Variants in PIEZO2 observed in about 807,000 individuals in gnomAD.
PIEZO2 encodes the protein piezo-type mechanosensitive ion channel component 2.
PIEZO2 carries 172 observed loss-of-function variants against 337.3 expected under a neutral mutation model. The observed-to-expected ratio is 0.51, with a 90% CI of 0.45 to 0.58. The LOEUF (loss-of-function observed/expected upper bound fraction) is 0.58. PIEZO2 is among the 20% of genes least tolerant of loss of function. PIEZO2 has a pLI of 0.00. For synonymous variants in PIEZO2, 1,251 were observed against 1,228.5 expected, an observed-to-expected ratio of 1.02 and a Z score of -0.38; for missense variants, 3,028 against 3,391.3, an observed-to-expected ratio of 0.89 and a Z score of 2.66.
chr18:10,742,823 T>TGTGG (rs2037279631), intron 31 of PIEZO2, among the ~76,000 whole-genome samples: 1 of 152,040 alleles, frequency 6.6e-6, no homozygotes, highest in Non-Finnish European at 1.5e-5. Flanking sequence ...TGTGTGTGTG[T>TGTGG]GTGTGTATTC....
At chr18:10,889,269 C>A (rs759607889) in intron 4 of PIEZO2, among the ~76,000 whole-genome samples, 1 of 152,142 alleles carries the variant, frequency 6.6e-6, no homozygotes, top group South Asian at 2.1e-4. Context: ...TACCACTGAG[C>A]AAATGTTCAA....
At chr18:10,728,811 T>C (rs150884569) in intron 36 of PIEZO2, among the ~76,000 whole-genome samples, 2,593 of 151,840 alleles carry the variant, frequency 0.017, 82 homozygotes, top group African/African-American at 0.058. Context: ...AAAAATTAGC[T>C]GGGCATGGTG....
At position 10,784,237 on chromosome 18, in the gene PIEZO2, A is replaced by G. The variant is rs566970285; in HGVS notation, c.2492+547T>C. ...AAACAATGTATATTTATTGATGAGG[A>G]TAAAACAGCCGTAAGCTGCTAAAAG... On this transcript the variant is annotated intron_variant, in intron 17 of 55. Coordinates refer to ENST00000674853, the MANE Select transcript of PIEZO2 (RefSeq NM_001378183.1). The surrounding 1 kb of genome is among the most constrained non-coding windows in gnomAD (Gnocchi z 4.5). Among the ~76,000 whole-genome samples, 9 of 152,358 alleles carry G rather than the reference A, an allele frequency of 5.9e-5. No homozygotes were observed. The East Asian group carries it at 1.5e-3, about 26-fold the overall frequency.
At position 10,828,676 on chromosome 18, in the gene PIEZO2, A is replaced by C. The variant is rs2040752691; in HGVS notation, c.918-21402T>G. Among the ~76,000 whole-genome samples the C allele has an allele frequency of 6.6e-6, 1 of 152,172 alleles. No individual in the cohort carries two copies. The highest frequency in any genetic ancestry group is 1.5e-5 in the Non-Finnish European group (1 of 68,034). On this transcript the variant is annotated intron_variant, in intron 7 of 55. Coordinates refer to ENST00000674853, the MANE Select transcript of PIEZO2 (RefSeq NM_001378183.1). The surrounding 1 kb of genome is among the most constrained non-coding windows in gnomAD (Gnocchi z 4.1). ...ATAATAGCACCATGCGGGTGGCAAT[A>C]CTGGTCATATGTTCAGAGGAACTCT...
At chr18:10,737,284 TG>T (rs2037037314) in intron 33 of PIEZO2, among the ~76,000 whole-genome samples, 1 of 67,596 alleles carries the variant, frequency 1.5e-5, no homozygotes, top group Non-Finnish European at 2.6e-5. Context: ...GCAAGACATT[TG>T]AAAAAAAAAA....
intron 3 of PIEZO2, among the ~76,000 whole-genome samples, chr18:10,925,803 C>T (rs192802315): frequency 1.4e-3 from 208 of 152,218 alleles, no homozygotes; most frequent in Non-Finnish European, 2.6e-3. Context: ...CTCCTGACCT[C>T]GTGATCTGCC....
intron 2 of PIEZO2, among the ~76,000 whole-genome samples, chr18:10,990,463 A>G (rs2035046010): frequency 6.6e-6 from 1 of 152,132 alleles, no homozygotes; most frequent in African/African-American, 2.4e-5. Context: ...AGGAGTAGAT[A>G]CATACTGAAC....
chr18:10,901,655 C>T (rs1335334249), intron 4 of PIEZO2, among the ~76,000 whole-genome samples: 1 of 152,088 alleles, frequency 6.6e-6, no homozygotes, highest in Admixed American at 6.5e-5. Context: ...TGCCAACAGC[C>T]ACTTTAGAGC....
intron 4 of PIEZO2, among the ~76,000 whole-genome samples, chr18:10,897,276 T>C (rs1236768224): frequency 6.6e-6 from 1 of 151,978 alleles, no homozygotes; most frequent in Non-Finnish European, 1.5e-5. Context: ...AACCCCCACG[T>C]CCCAGGCTCA....
At position 10,847,059 on chromosome 18, in the gene PIEZO2, T is replaced by C. The variant is rs2041388149; in HGVS notation, c.917+8294A>G. Among the ~76,000 whole-genome samples, 1 of 152,202 alleles carries C rather than the reference T, an allele frequency of 6.6e-6. No individual in the cohort carries two copies. Among genetic ancestry groups the C allele is most frequent in the Admixed American group, 6.5e-5 (1 of 15,278 alleles). ...AAGGAAACAGAGGTACAGAGAGTTT[T>C]AGTAAAGTTCTGCTAGGTGCTCTGC... On this transcript the variant is annotated intron_variant, in intron 7 of 55. Coordinates refer to ENST00000674853, the MANE Select transcript of PIEZO2 (RefSeq NM_001378183.1). This position sits in a 1 kb window ranked among gnomAD's most constrained non-coding sequence, Gnocchi z 5.7.
At chr18:10,966,523 G>A (rs2034006436) in intron 3 of PIEZO2, among the ~76,000 whole-genome samples, 1 of 152,160 alleles carries the variant, frequency 6.6e-6, no homozygotes, top group South Asian at 2.1e-4. Context: ...GCCCATAAGA[G>A]AAATCCACAT....
At chr18:10,810,425 C>T (rs571385667) in intron 7 of PIEZO2, among the ~76,000 whole-genome samples, 2 of 152,234 alleles carry the variant, frequency 1.3e-5, no homozygotes, top group Non-Finnish European at 2.9e-5. Context: ...GGCAGTCTCC[C>T]TACCTCTAAT....
chr18:11,006,274 T>C (rs1180315878), intron 2 of PIEZO2, among the ~76,000 whole-genome samples: 1 of 152,240 alleles, frequency 6.6e-6, no homozygotes, highest in Non-Finnish European at 1.5e-5. Context: ...TTTGTCTTGC[T>C]TTGTTACCAC....
chr18:10,757,201 GGAGGGGTGGAGGATGAGGAT>G (rs1322038104), intron 27 of PIEZO2, among the ~76,000 whole-genome samples: 1 of 149,946 alleles, frequency 6.7e-6, no homozygotes, highest in Non-Finnish European at 1.5e-5. Flanking sequence ...AGGATGAGGA[GGAGGGGTGGAGGATGAGGAT>G]GAGAGGGAGG....
intron 36 of PIEZO2, among the ~76,000 whole-genome samples, chr18:10,719,410 T>C (rs1197543866): frequency 6.6e-6 from 1 of 152,194 alleles, no homozygotes; most frequent in African/African-American, 2.4e-5. Flanking sequence ...TATGCCCATG[T>C]GCACCCATTG....
intron 35 of PIEZO2, among the ~76,000 whole-genome samples, chr18:10,733,448 ATTT>A (rs34583213): frequency 5.5e-5 from 7 of 128,302 alleles, no homozygotes; most frequent in Middle Eastern, 3.9e-3. Flanking sequence ...AAACTTCCCA[ATTT>A]TTTTTTTTTT....
chr18:10,686,044 C>G (rs945663544), intron 49 of PIEZO2, among the ~76,000 whole-genome samples: 2 of 152,166 alleles, frequency 1.3e-5, no homozygotes, highest in African/African-American at 4.8e-5. Flanking sequence ...TTTTCCTTAT[C>G]GTCTCCAGAG....
chr18:11,140,349 CT>C (rs965505384), intron 1 of PIEZO2, among the ~76,000 whole-genome samples: 14 of 152,166 alleles, frequency 9.2e-5, no homozygotes, highest in African/African-American at 2.9e-4. Context: ...TGTAGGCCAC[CT>C]TTTGGTGCCT....
Position 11,126,763 on chromosome 18 carries a change from T to C in PIEZO2, c.64+21762A>G, listed in dbSNP as rs974439753. ...TAGATGCTTACTATATGCCAGGTAC[T>C]GTTACACAGTACCTTAAGTACATTA... On this transcript the variant is annotated intron_variant, in intron 1 of 55. Coordinates refer to ENST00000674853, the MANE Select transcript of PIEZO2 (RefSeq NM_001378183.1). The surrounding 1 kb of genome is among the most constrained non-coding windows in gnomAD (Gnocchi z 4.6). Among the ~76,000 whole-genome samples, 2 of 149,004 alleles carry C rather than the reference T, an allele frequency of 1.3e-5. No homozygotes were observed. The highest frequency in any genetic ancestry group is 3.0e-5 in the Non-Finnish European group (2 of 67,642).
Sources: allele counts gnomAD v4.1 joint callset (sites outside exome capture counted in the v4.1 genomes callset), GRCh38; gene constraint gnomAD v4.1.1; non-coding constraint Gnocchi (gnomAD v3.1); transcripts MANE v1.5; gene names NCBI Gene and HGNC (gene_info 2026-07-23, HGNC 2026-07-21).